The following ARHGAP15 variants were observed in gnomAD, a reference collection of about 807,000 sequenced individuals.
The protein encoded by ARHGAP15 is Rho GTPase activating protein 15.
A neutral mutation model predicts 63.7 loss-of-function variants in ARHGAP15; 51 were observed. That is an observed-to-expected ratio of 0.80 (90% CI 0.64 to 1.01). The LOEUF (loss-of-function observed/expected upper bound fraction) is 1.01. ARHGAP15 is among the 50% of genes least tolerant of loss of function. The pLI is 0.00. For synonymous variants in ARHGAP15, 191 were observed against 193.8 expected (o/e 0.99, Z 0.12); for missense variants, 560 against 564.6 (o/e 0.99, Z 0.08).
chr2:143,500,451 C>T (rs1693006369), intron 9 of ARHGAP15, among the ~76,000 whole-genome samples: 1 of 151,774 alleles, frequency 6.6e-6, no homozygotes, highest in Non-Finnish European at 1.5e-5. Flanking sequence ...CAAATATTCA[C>T]CTTATGTTAA....
chr2:143,254,790 A>G (rs1284098469), intron 6 of ARHGAP15, among the ~76,000 whole-genome samples: 1 of 152,064 alleles, frequency 6.6e-6, no homozygotes, highest in Non-Finnish European at 1.5e-5. Flanking sequence ...AAGACTGAAC[A>G]CTTTTTAGCT....
intron 6 of ARHGAP15, among the ~76,000 whole-genome samples, chr2:143,375,355 A>G (rs1178977289): frequency 6.6e-6 from 1 of 152,122 alleles, no homozygotes; most frequent in Non-Finnish European, 1.5e-5. Flanking sequence ...TTAAATGTAA[A>G]TTTCCCAAAT....
chr2:143,643,535 C>T (rs1355213749), intron 12 of ARHGAP15, among the ~76,000 whole-genome samples: 2 of 151,454 alleles, frequency 1.3e-5, no homozygotes, highest in African/African-American at 4.8e-5. Flanking sequence ...TTGAGGTCCC[C>T]ACTCCAGACC....
At position 143,720,267 on chromosome 2, in the gene ARHGAP15, ATACTT is replaced by A. The variant is rs546459436; in HGVS notation, c.1244+16747_1244+16751del. 1.3e-3 allele frequency among the ~76,000 whole-genome samples: 192 copies of A among 152,308 alleles called. 1 individual carries two copies. The Middle Eastern group carries it at 0.031, about 24-fold the overall frequency. On this transcript the variant is annotated intron_variant, in intron 13 of 13. Transcript: ENST00000295095. Reference sequence around the variant, plus strand: ...AGCAGTTTAGTATAAGAAGTGAACAATACTTTACCTAATTGAAACTACAGAGCAGA... The same window carrying A: ...AGCAGTTTAGTATAAGAAGTGAACAATACCTAATTGAAACTACAGAGCAGA...
At chr2:143,697,900 T>C (rs1683921596) in intron 12 of ARHGAP15, among the ~76,000 whole-genome samples, 1 of 152,190 alleles carries the variant, frequency 6.6e-6, no homozygotes, top group Non-Finnish European at 1.5e-5. Context: ...AAACTATAAA[T>C]TGAATAGAAA....
At chr2:143,486,900 C>G (rs1351129681) in intron 8 of ARHGAP15, among the ~76,000 whole-genome samples, 1 of 152,126 alleles carries the variant, frequency 6.6e-6, no homozygotes, top group Admixed American at 6.6e-5. Context: ...AAATAAATCA[C>G]TTCAGGTTAA....
intron 6 of ARHGAP15, among the ~76,000 whole-genome samples, chr2:143,297,100 C>A (rs1198079078): frequency 6.6e-6 from 1 of 151,908 alleles, no homozygotes; most frequent in Admixed American, 6.6e-5. Context: ...GGAGCCTTTC[C>A]TATGACTGAA....
At chr2:143,137,534 G>T (rs1018149467) in intron 1 of ARHGAP15, among the ~76,000 whole-genome samples, 2 of 151,960 alleles carry the variant, frequency 1.3e-5, no homozygotes, top group African/African-American at 4.8e-5. Flanking sequence ...GAAAGGTTGG[G>T]TTTGAATTCT....
chr2:143,397,636 C>T (rs1350104490), intron 6 of ARHGAP15, among the ~76,000 whole-genome samples: 1 of 151,874 alleles, frequency 6.6e-6, no homozygotes, highest in African/African-American at 2.4e-5. Context: ...TAACTTTTTT[C>T]ATAAATAGCA....
At chr2:143,709,182 C>T (rs1037830149) in intron 13 of ARHGAP15, among the ~76,000 whole-genome samples, 5 of 152,100 alleles carry the variant, frequency 3.3e-5, no homozygotes, top group African/African-American at 1.2e-4. Context: ...TTCCACAGAG[C>T]TAAATTTAAC....
Position 143,673,722 on chromosome 2 carries a change from TTGTGTGTGTG to T in ARHGAP15, c.1139-29669_1139-29660del, listed in dbSNP as rs70982878. On this transcript the variant is annotated intron_variant, in intron 12 of 13. Transcript: ENST00000295095. The stretch of plus-strand genomic sequence containing the variant: ...ACAAATATCTGATAAAGGCCTTATA[TTGTGTGTGTG>T]TGTGTGTGTGTGTGTGTGTGTGTGT... 4.2e-3 allele frequency among the ~76,000 whole-genome samples: 230 copies of T among 54,552 alleles called. 15 individuals carry two copies. Among genetic ancestry groups the T allele is most frequent in the Admixed American group, 9.0e-3 (30 of 3,328 alleles). The allele number at this position is 54,552 out of a possible 152,430, so 35.8% of individuals were successfully genotyped here.
intron 11 of ARHGAP15, chr2:143,601,666 G>C (rs1697775575): frequency 6.6e-6 from 1 of 151,728 alleles, no homozygotes; most frequent in Admixed American, 6.6e-5. Context: ...GCAGGATTTA[G>C]TTTTCTATTC....
At chr2:143,473,602 T>G (rs1399234008) in intron 8 of ARHGAP15, among the ~76,000 whole-genome samples, 1 of 152,216 alleles carries the variant, frequency 6.6e-6, no homozygotes, top group Non-Finnish European at 1.5e-5. Flanking sequence ...CCTGTTGGAA[T>G]AAATGCTGAT....
Position 143,202,284 on chromosome 2 carries a change from GTTA to G in ARHGAP15, c.234+87_234+89del. The stretch of plus-strand genomic sequence containing the variant: ...AACTCAGCAACTTAGAACAGCTTAA[GTTA>G]TTATCTCATTTTTCTGTGGGTCAGG... On this transcript the variant is annotated intron_variant, in intron 3 of 13. Coordinates refer to ENST00000295095, the MANE Select transcript of ARHGAP15 (RefSeq NM_018460.4). 3.5e-6 allele frequency: 4 copies of G among 1,133,842 alleles called. No individual in the cohort carries two copies. In the South Asian group the frequency reaches 5.0e-5, roughly 14 times the overall value. The allele number at this position is 1,133,842 out of a possible 1,614,324, so 70.2% of individuals were successfully genotyped here.
intron 6 of ARHGAP15, among the ~76,000 whole-genome samples, chr2:143,335,406 G>C (rs917629862): frequency 3.3e-5 from 5 of 152,148 alleles, no homozygotes; most frequent in Non-Finnish European, 5.9e-5. Context: ...TAGATGCTGA[G>C]TCAGAGCGGC....
chr2:143,316,661 T>G (rs148892464), intron 6 of ARHGAP15, among the ~76,000 whole-genome samples: 1 of 151,008 alleles, frequency 6.6e-6, no homozygotes, highest in East Asian at 1.9e-4. Flanking sequence ...TGAGTCAAAG[T>G]CCTAATTCTG....
At chr2:143,502,989 C>T (rs568551231) in intron 9 of ARHGAP15, among the ~76,000 whole-genome samples, 1 of 145,194 alleles carries the variant, frequency 6.9e-6, no homozygotes, top group Admixed American at 6.7e-5. Flanking sequence ...GGACATCGAT[C>T]AGAGATCTGC....
chr2:143,250,490 A>G (rs1558841692), intron 5 of ARHGAP15, 21 bp from the exon 6 acceptor site: 1 of 1,593,666 alleles, frequency 6.3e-7, no homozygotes, highest in Non-Finnish European at 8.6e-7. Context: ...TCTTATTCTT[A>G]CTTCATTTTT....
intron 12 of ARHGAP15, among the ~76,000 whole-genome samples, chr2:143,693,117 C>T (rs542770790): frequency 1.3e-5 from 2 of 152,234 alleles, no homozygotes; most frequent in Non-Finnish European, 2.9e-5. Flanking sequence ...CAGCTGCTGT[C>T]AGCAATGCAG....
Sources: allele counts gnomAD v4.1 joint callset (sites outside exome capture counted in the v4.1 genomes callset), GRCh38; gene constraint gnomAD v4.1.1; transcripts MANE v1.5; gene names NCBI Gene and HGNC (gene_info 2026-07-23, HGNC 2026-07-21).